Variants in SCFD2 observed in about 807,000 individuals in gnomAD.
SCFD2 encodes sec1 family domain-containing protein 2.
Under a neutral mutation model 58.9 loss-of-function variants are expected in SCFD2, and 54 were observed. The observed-to-expected ratio is 0.92, with a 90% CI of 0.74 to 1.15. The LOEUF (loss-of-function observed/expected upper bound fraction) is 1.15, where lower values mean the gene tolerates loss of function less well. Among genes scored for constraint, SCFD2 ranks in the 50% most tolerant of loss-of-function variants. The pLI, the probability that SCFD2 is intolerant of heterozygous loss-of-function variation, is 0.00. For synonymous variants in SCFD2, 321 were observed against 335.9 expected (o/e 0.96, Z 0.49); for missense variants, 805 against 836.6 (o/e 0.96, Z 0.47).
chr4:53,192,976 T>G (rs1727957381), intron 4 of SCFD2, among the ~76,000 whole-genome samples: 1 of 152,158 alleles, frequency 6.6e-6, no homozygotes, highest in African/African-American at 2.4e-5. Context: ...TAAGATTACA[T>G]ACTCAGGAAA....
chr4:52,883,347 A>G (rs1235447773), intron 8 of SCFD2, among the ~76,000 whole-genome samples: 2 of 152,214 alleles, frequency 1.3e-5, no homozygotes, highest in African/African-American at 4.8e-5. Context: ...TGTGGAGATG[A>G]AGGACTTCAT....
At chr4:52,988,131 G>A (rs868739724) in intron 5 of SCFD2, among the ~76,000 whole-genome samples, 6 of 152,310 alleles carry the variant, frequency 3.9e-5, no homozygotes, top group Middle Eastern at 3.4e-3. Context: ...TTATGTGAGG[G>A]AGAGAGAAGG....
chr4:53,032,017 A>G (rs1722627652), intron 5 of SCFD2, among the ~76,000 whole-genome samples: 1 of 152,202 alleles, frequency 6.6e-6, no homozygotes. Flanking sequence ...ATGAAGGAAA[A>G]AATGTTAAGG....
chr4:53,120,662 G>A (rs1560344761), intron 5 of SCFD2, among the ~76,000 whole-genome samples: 2 of 152,160 alleles, frequency 1.3e-5, no homozygotes, highest in East Asian at 3.8e-4. Flanking sequence ...TCAGGTTAGA[G>A]AGACTGTCAG....
chr4:53,247,797 C>A (rs1206311987), intron 4 of SCFD2, among the ~76,000 whole-genome samples: 1 of 126,674 alleles, frequency 7.9e-6, no homozygotes, highest in South Asian at 2.9e-4. Flanking sequence ...GGAAGCGGAG[C>A]TTGCAGTGAG....
intron 3 of SCFD2, among the ~76,000 whole-genome samples, chr4:53,304,611 G>A (rs1422985414): frequency 2.6e-5 from 4 of 151,466 alleles, no homozygotes; most frequent in African/African-American, 7.3e-5. Context: ...CTGCTTGATC[G>A]ATTCAGCTAT....
In SCFD2 at chr4:53,354,195, G is replaced by A. The variant is rs529794099; in HGVS notation, c.839-1429C>T. 1.5e-4 allele frequency among the ~76,000 whole-genome samples: 23 copies of A among 152,362 alleles called. No individual in the cohort carries two copies. The South Asian group carries it at 3.3e-3, about 22-fold the overall frequency. On this transcript the variant is annotated intron_variant, in intron 1 of 8. Transcript: ENST00000401642. ...CCCACAGGGGGAAGGGGTGGTGCTC[G>A]GGCATGGCGGGCTGCAGGTACCAAG...
intron 4 of SCFD2, among the ~76,000 whole-genome samples, chr4:53,247,718 G>A (rs1162715381): frequency 1.0e-4 from 15 of 150,016 alleles, no homozygotes; most frequent in East Asian, 7.9e-4. Flanking sequence ...AAAATTAGCC[G>A]GGCGCGGTGG....
intron 5 of SCFD2, among the ~76,000 whole-genome samples, chr4:53,077,318 G>A (rs1321503230): frequency 2.6e-5 from 4 of 152,106 alleles, no homozygotes; most frequent in African/African-American, 4.8e-5. Flanking sequence ...ATATACACAA[G>A]TTTTCTGGAA....
intron 3 of SCFD2, among the ~76,000 whole-genome samples, chr4:53,311,761 G>A (rs1732698906): frequency 2.6e-5 from 4 of 151,686 alleles, no homozygotes; most frequent in African/African-American, 9.7e-5. Flanking sequence ...TCAGCCTCCT[G>A]AGTAGGTGGG....
chr4:53,269,469 C>T (rs763212077), intron 4 of SCFD2, among the ~76,000 whole-genome samples: 2 of 152,052 alleles, frequency 1.3e-5, no homozygotes, highest in Admixed American at 6.6e-5. Context: ...TTTAAAATCA[C>T]CTCTGACAGA....
chr4:53,026,000 T>A (rs189989396), intron 5 of SCFD2, among the ~76,000 whole-genome samples: 5 of 152,300 alleles, frequency 3.3e-5, no homozygotes, highest in East Asian at 3.9e-4. Context: ...TGACTACGGT[T>A]TTTCATTTTT....
chr4:53,340,107 AGACAGTGGGGGCAG>A (rs1012493020), intron 2 of SCFD2, among the ~76,000 whole-genome samples: 1 of 152,118 alleles, frequency 6.6e-6, no homozygotes, highest in Non-Finnish European at 1.5e-5. Context: ...GGGGATTGTC[AGACAGTGGGGGCAG>A]GACAGTGGGT....
chr4:52,967,866 C>G (rs1446250578), intron 5 of SCFD2, among the ~76,000 whole-genome samples: 1 of 152,162 alleles, frequency 6.6e-6, no homozygotes, highest in African/African-American at 2.4e-5. Context: ...CCTTTTTCCC[C>G]TCCCTATGTC....
Position 53,210,373 on chromosome 4 carries a change from C to T in SCFD2, c.1311+63453G>A, listed in dbSNP as rs754722682. On this transcript the variant is annotated intron_variant, in intron 4 of 8. Transcript: ENST00000401642. ...GTCCTGAGGGAACTTTCCAGGGGTT[C>T]CACGAGGTCAAAATTATTTTCATAA... is the stretch of plus-strand genomic sequence containing the variant. Among the ~76,000 whole-genome samples, 42 of 152,046 alleles carry T rather than the reference C, an allele frequency of 2.8e-4. 1 individual carries two copies. The highest frequency in any genetic ancestry group is 5.2e-4 in the Admixed American group (8 of 15,256).
intron 4 of SCFD2, among the ~76,000 whole-genome samples, chr4:53,146,504 A>C (rs1726336306): frequency 6.6e-6 from 1 of 152,220 alleles, no homozygotes; most frequent in South Asian, 2.1e-4. Context: ...TGCAACTTAC[A>C]TTATTCATTC....
intron 4 of SCFD2, among the ~76,000 whole-genome samples, chr4:53,160,520 G>A (rs937001819): frequency 3.9e-5 from 6 of 152,262 alleles, no homozygotes; most frequent in African/African-American, 1.2e-4. Flanking sequence ...TTTAGAGGAG[G>A]TTCAGAAAAG....
chr4:52,960,038 G>A (rs543026947), intron 5 of SCFD2, among the ~76,000 whole-genome samples: 3 of 152,112 alleles, frequency 2.0e-5, no homozygotes, highest in South Asian at 2.1e-4. Context: ...CCTTGTCCAC[G>A]GTCTTAATTT....
At chr4:53,098,207 G>T (rs1317224213) in intron 5 of SCFD2, among the ~76,000 whole-genome samples, 2 of 152,284 alleles carry the variant, frequency 1.3e-5, no homozygotes, top group East Asian at 3.9e-4. Flanking sequence ...CCAGGATTTG[G>T]TATCAGGATG....
Sources: allele counts gnomAD v4.1 joint callset (sites outside exome capture counted in the v4.1 genomes callset), GRCh38; gene constraint gnomAD v4.1.1; transcripts MANE v1.5; gene names NCBI Gene and HGNC (gene_info 2026-07-23, HGNC 2026-07-21).